WDR17: variants seen among roughly 807,000 people sequenced by gnomAD.
WDR17 encodes WD repeat domain 17, also known as WD repeat-containing protein 17.
In WDR17, 143 loss-of-function variants were observed where a neutral mutation model predicts 161.7. The ratio of observed to expected loss-of-function variants is 0.88; its 90% confidence interval spans 0.77 to 1.02. The LOEUF (loss-of-function observed/expected upper bound fraction) is 1.02, where lower values mean the gene tolerates loss of function less well. Among genes scored for constraint, WDR17 ranks in the 50% least tolerant of loss-of-function variants. The pLI is 0.00. For synonymous variants in WDR17, 517 were observed against 515.6 expected (o/e 1.00, Z -0.04); for missense variants, 1,469 against 1,520.9 (o/e 0.97, Z 0.57).
At chr4:176,087,580 CT>C (rs1047148010) in intron 1 of WDR17, among the ~76,000 whole-genome samples, 3 of 151,982 alleles carry the variant, frequency 2.0e-5, no homozygotes, top group African/African-American at 7.2e-5. Context: ...TTTGGTTTCA[CT>C]ATATTATCCC....
At chr4:176,085,658 A>T (rs1735332582) in intron 1 of WDR17, among the ~76,000 whole-genome samples, 1 of 151,910 alleles carries the variant, frequency 6.6e-6, no homozygotes, top group African/African-American at 2.4e-5. Flanking sequence ...TTTATTCCTG[A>T]TAAGGATCTG....
chr4:176,174,566 T>G, intron 25 of WDR17, 51 bp from the exon 26 acceptor site: 2 of 1,346,524 alleles, frequency 1.5e-6, no homozygotes, highest in Non-Finnish European at 2.1e-6. Flanking sequence ...CAGAGTAATG[T>G]TCTATGCCTC....
intron 4 of WDR17, among the ~76,000 whole-genome samples, chr4:176,121,702 A>G (rs1053484756): frequency 3.3e-5 from 5 of 152,184 alleles, no homozygotes; most frequent in Non-Finnish European, 7.3e-5. Flanking sequence ...GAAAGTTTCA[A>G]GCCATAAGAC....
intron 1 of WDR17, among the ~76,000 whole-genome samples, chr4:176,072,989 C>T (rs968565531): frequency 6.6e-6 from 1 of 152,030 alleles, no homozygotes; most frequent in Non-Finnish European, 1.5e-5. Flanking sequence ...TATTTTTGTG[C>T]TCCCTCTTTT....
At chr4:176,102,170 A>T (rs62339422) in intron 1 of WDR17, among the ~76,000 whole-genome samples, 19,433 of 152,224 alleles carry the variant, frequency 0.13, 1,647 homozygotes, top group Non-Finnish European at 0.18. Context: ...TAACTAGAAG[A>T]TTGAACAACC....
At chr4:176,141,396 A>T (rs1366777718) in intron 10 of WDR17, among the ~76,000 whole-genome samples, 1 of 152,176 alleles carries the variant, frequency 6.6e-6, no homozygotes, top group Non-Finnish European at 1.5e-5. Flanking sequence ...TTATGTTTTA[A>T]AATGTATTAC....
chr4:176,104,826 CA>C (rs1440993334), intron 1 of WDR17, among the ~76,000 whole-genome samples: 10 of 151,776 alleles, frequency 6.6e-5, no homozygotes, highest in Non-Finnish European at 1.3e-4. Context: ...GAAATGAGGA[CA>C]AAAAAACTAT....
chr4:176,081,298 A>G (rs2126592380), intron 1 of WDR17, among the ~76,000 whole-genome samples: 1 of 152,234 alleles, frequency 6.6e-6, no homozygotes, highest in East Asian at 1.9e-4. Context: ...CATGATCTAC[A>G]TGACTTTCCA....
chr4:176,125,446 G>A, intron 5 of WDR17, 91 bp downstream of exon 5: 2 of 1,458,494 alleles, frequency 1.4e-6, no homozygotes, highest in Non-Finnish European at 1.8e-6. Flanking sequence ...TTGATTTTGT[G>A]TAAAATGTAT....
chr4:176,097,879 G>A (rs1737154422), intron 1 of WDR17, among the ~76,000 whole-genome samples: 1 of 151,854 alleles, frequency 6.6e-6, no homozygotes, highest in Non-Finnish European at 1.5e-5. Flanking sequence ...GAAGCTCATG[G>A]AGATTATGAG....
intron 6 of WDR17, 150 bp from the exon 7 acceptor site, chr4:176,131,404 A>G (rs1743426339): frequency 4.3e-6 from 3 of 703,530 alleles, no homozygotes; most frequent in African/African-American, 1.8e-5. Context: ...TTTTTTGGCA[A>G]TCCCAAAGAA....
intron 11 of WDR17, among the ~76,000 whole-genome samples, chr4:176,145,094 G>A (rs376453500): frequency 1.8e-4 from 28 of 152,284 alleles, no homozygotes; most frequent in African/African-American, 5.5e-4. Context: ...TCAACAGTTT[G>A]AAGTTTTGAA....
intron 4 of WDR17, among the ~76,000 whole-genome samples, chr4:176,120,612 A>C (rs1741432969): frequency 6.6e-6 from 1 of 152,028 alleles, no homozygotes; most frequent in Admixed American, 6.6e-5. Flanking sequence ...ATTTGGCTGA[A>C]TGAAAGGGTC....
At position 176,180,236 on chromosome 4, in the gene WDR17, T is replaced by C. The variant is rs1179772664; in HGVS notation, c.*657T>C. The stretch of plus-strand genomic sequence containing the variant: ...TTGTAAAGGTGTAAGTTATATAGGC[T>C]TGAAAAAAATTGGCGGGTAAAAATC... On this transcript the variant is annotated 3_prime_UTR_variant, in exon 29 of 29. Transcript: ENST00000508596. 1 of 152,174 alleles carries C rather than the reference T, an allele frequency of 6.6e-6. No homozygotes were observed. Among genetic ancestry groups the C allele is most frequent in the African/African-American group, 2.4e-5 (1 of 41,442 alleles). 9.4% of individuals were successfully genotyped at this position (152,174 alleles called of 1,614,324 possible).
intron 1 of WDR17, among the ~76,000 whole-genome samples, chr4:176,095,643 C>CT (rs1292879649): frequency 2.0e-5 from 3 of 151,914 alleles, no homozygotes; most frequent in African/African-American, 7.2e-5. Flanking sequence ...GCTTAATACC[C>CT]TTTTCATTAT....
intron 4 of WDR17, among the ~76,000 whole-genome samples, chr4:176,120,321 A>ATATATAT (rs1561130376): frequency 1.6e-4 from 22 of 134,890 alleles, no homozygotes; most frequent in African/African-American, 6.1e-4. Flanking sequence ...TATATATATA[A>ATATATAT]TACATTCAAC....
At chr4:176,122,643 G>A (rs749732407) in intron 4 of WDR17, among the ~76,000 whole-genome samples, 2 of 152,106 alleles carry the variant, frequency 1.3e-5, no homozygotes, top group African/African-American at 2.4e-5. Context: ...TACTTTTCAT[G>A]AGTTGTTAAC....
At chr4:176,123,273 CA>C (rs748763555) in intron 4 of WDR17, among the ~76,000 whole-genome samples, 1 of 152,174 alleles carries the variant, frequency 6.6e-6, no homozygotes, top group Admixed American at 6.5e-5. Flanking sequence ...TGTACTCTCA[CA>C]GCACAGTTCT....
At chr4:176,162,001 T>TA in intron 20 of WDR17, 74 bp from the exon 21 acceptor site, 1 of 1,275,908 alleles carries the variant, frequency 7.8e-7, no homozygotes, top group Non-Finnish European at 1.1e-6. Flanking sequence ...TTATCATACC[T>TA]TTTAAAAAGT....
Sources: allele counts gnomAD v4.1 joint callset (sites outside exome capture counted in the v4.1 genomes callset), GRCh38; gene constraint gnomAD v4.1.1; transcripts MANE v1.5; gene names NCBI Gene and HGNC (gene_info 2026-07-23, HGNC 2026-07-21).